CADM1: variants seen among roughly 807,000 people sequenced by gnomAD.
CADM1 encodes the protein TSLC-1.
Under a neutral mutation model 53.1 loss-of-function variants are expected in CADM1, and 15 were observed. The ratio of observed to expected loss-of-function variants is 0.28; its 90% CI spans 0.19 to 0.44. The LOEUF (loss-of-function observed/expected upper bound fraction) is 0.44. Ranked by LOEUF, CADM1 falls within the 20% of genes least tolerant of loss-of-function variation. The probability of loss-of-function intolerance (pLI) is 1.00; values close to 1 mark genes in which losing one functional copy is unlikely to be tolerated. For missense variants in CADM1, 434 were observed against 611.3 expected (o/e 0.71, Z 3.06); for synonymous variants, 281 against 243.0 (o/e 1.16, Z -1.45).
chr11:115,208,947 T>C (rs1940822012), intron 8 of CADM1, among the ~76,000 whole-genome samples: 2 of 152,180 alleles, frequency 1.3e-5, no homozygotes, highest in Admixed American at 6.5e-5. Flanking sequence ...GCCGCAGAGT[T>C]AGAACCACAG....
rs1401067883 is a variant in CADM1, at chr11:115,279,299, G to A, written c.125-38879C>T. Among the ~76,000 whole-genome samples, 5 of 152,126 alleles carry A rather than the reference G, an allele frequency of 3.3e-5. No individual in the cohort carries two copies. In the East Asian group the frequency reaches 9.6e-4, roughly 29 times the overall value. ...GGGGGTATAGTCAATGCCTACCAAT[G>A]GGTTGTCAAGTGAAATCAGATACTT... On this transcript the variant is annotated intron_variant, in intron 1 of 11. Transcript: ENST00000331581.
chr11:115,264,907 C>G (rs186591821), intron 1 of CADM1, among the ~76,000 whole-genome samples: 1 of 152,234 alleles, frequency 6.6e-6, no homozygotes, highest in East Asian at 1.9e-4. Flanking sequence ...GAAGGAGAGT[C>G]TACTGCCTGA....
At chr11:115,308,455 T>G (rs1297915850) in intron 1 of CADM1, among the ~76,000 whole-genome samples, 1 of 151,940 alleles carries the variant, frequency 6.6e-6, no homozygotes, top group Non-Finnish European at 1.5e-5. Context: ...ATCTGTCTTT[T>G]TACTCAATAA....
At chr11:115,420,522 A>G (rs768368701) in intron 1 of CADM1, among the ~76,000 whole-genome samples, 6 of 152,096 alleles carry the variant, frequency 3.9e-5, no homozygotes, top group African/African-American at 1.2e-4. Context: ...CTCCTCATCC[A>G]TTGGTTACGA....
chr11:115,246,511 A>C (rs2134948648), intron 1 of CADM1, among the ~76,000 whole-genome samples: 1 of 152,312 alleles, frequency 6.6e-6, no homozygotes, highest in Middle Eastern at 3.4e-3. Flanking sequence ...AATCAATAGA[A>C]CTGAGTAGAA....
chr11:115,502,325 G>C (rs1354747777), intron 1 of CADM1, among the ~76,000 whole-genome samples: 1 of 125,704 alleles, frequency 8.0e-6, no homozygotes, highest in South Asian at 2.5e-4. Context: ...ACCGCCCCCC[G>C]GCTTTTTTTT....
At chr11:115,399,400 C>G (rs1947080853) in intron 1 of CADM1, 1 of 152,156 alleles carries the variant, frequency 6.6e-6, no homozygotes, top group South Asian at 2.1e-4. Context: ...CAGACCAGAA[C>G]AGAGCACACA....
intron 7 of CADM1, among the ~76,000 whole-genome samples, chr11:115,210,532 A>AT: frequency 6.6e-6 from 1 of 152,202 alleles, no homozygotes; most frequent in East Asian, 1.9e-4. Context: ...AGAAAAAAAA[A>AT]TTCTAAGCCC....
At chr11:115,280,411 T>C (rs749336152) in intron 1 of CADM1, among the ~76,000 whole-genome samples, 83 of 152,232 alleles carry the variant, frequency 5.5e-4, no homozygotes, top group Admixed American at 1.1e-3. Flanking sequence ...ATAAGCTTTT[T>C]ATGGCTTGCA....
chr11:115,331,050 G>A (rs915624435), intron 1 of CADM1, among the ~76,000 whole-genome samples: 40 of 152,050 alleles, frequency 2.6e-4, no homozygotes, highest in African/African-American at 8.5e-4. Context: ...GTGAAGAAAC[G>A]GCAACTCCAT....
chr11:115,460,405 T>G (rs1238124165), intron 1 of CADM1, among the ~76,000 whole-genome samples: 1 of 152,052 alleles, frequency 6.6e-6, no homozygotes, highest in Admixed American at 6.5e-5. Flanking sequence ...ACAATACAAC[T>G]CAACTACACA....
intron 1 of CADM1, among the ~76,000 whole-genome samples, chr11:115,477,924 T>C (rs1267184096): frequency 6.6e-6 from 1 of 152,202 alleles, no homozygotes; most frequent in Non-Finnish European, 1.5e-5. Context: ...ATTCTTGTCC[T>C]TGGGAAAAGG....
intron 1 of CADM1, among the ~76,000 whole-genome samples, chr11:115,402,738 A>G (rs1011473844): frequency 6.6e-6 from 1 of 152,164 alleles, no homozygotes; most frequent in African/African-American, 2.4e-5. Context: ...CAAAACTCCA[A>G]GTTTGACTAC....
chr11:115,355,291 G>T (rs537713662), intron 1 of CADM1, among the ~76,000 whole-genome samples: 2 of 152,006 alleles, frequency 1.3e-5, no homozygotes, highest in Non-Finnish European at 2.9e-5. Context: ...AAAAAAGAAT[G>T]GATCATATCC....
chr11:115,188,100 C>T (rs923409328), intron 10 of CADM1, among the ~76,000 whole-genome samples: 1 of 152,052 alleles, frequency 6.6e-6, no homozygotes, highest in Admixed American at 6.6e-5. Context: ...TAAACAGTTC[C>T]CCAAGGCCCC....
At chr11:115,428,622 C>G (rs975092894) in intron 1 of CADM1, among the ~76,000 whole-genome samples, 1 of 152,080 alleles carries the variant, frequency 6.6e-6, no homozygotes. Context: ...AGTCTAGAAG[C>G]CTTGCAATTG....
At chr11:115,263,300 C>A (rs904592140) in intron 1 of CADM1, among the ~76,000 whole-genome samples, 2 of 152,208 alleles carry the variant, frequency 1.3e-5, no homozygotes, top group African/African-American at 4.8e-5. Flanking sequence ...GGGAATTTAT[C>A]CTCATCTCCT....
At chr11:115,296,380 T>A (rs989889078) in intron 1 of CADM1, among the ~76,000 whole-genome samples, 5 of 152,142 alleles carry the variant, frequency 3.3e-5, no homozygotes, top group African/African-American at 1.2e-4. Context: ...GTTTGGGAGA[T>A]AAGGCCTAGT....
At chr11:115,206,475 G>A (rs1369979977) in intron 8 of CADM1, among the ~76,000 whole-genome samples, 3 of 152,154 alleles carry the variant, frequency 2.0e-5, no homozygotes, top group African/African-American at 4.8e-5. Flanking sequence ...GGGTCTCCAC[G>A]ATGAAGCTTT....
Sources: allele counts gnomAD v4.1 joint callset (sites outside exome capture counted in the v4.1 genomes callset), GRCh38; gene constraint gnomAD v4.1.1; transcripts MANE v1.5; gene names NCBI Gene and HGNC (gene_info 2026-07-23, HGNC 2026-07-21).